PCCA: variants seen among roughly 807,000 people sequenced by gnomAD.
PCCA encodes propionyl-CoA carboxylase subunit alpha, also known as propionyl-CoA carboxylase alpha chain, mitochondrial.
PCCA carries 74 observed loss-of-function variants against 101.3 expected under a neutral mutation model. The observed-to-expected ratio is 0.73, with a 90% confidence interval of 0.61 to 0.89. PCCA has a LOEUF of 0.89. Ranked by LOEUF, PCCA falls within the 40% of genes least tolerant of loss-of-function variation. PCCA has a pLI of 0.00. For synonymous variants in PCCA, 294 were observed against 313.6 expected (o/e 0.94, Z 0.66); for missense variants, 891 against 907.0 (o/e 0.98, Z 0.23).
chr13:100,208,319 TC>T (rs1040993967), intron 6 of PCCA, among the ~76,000 whole-genome samples: 1 of 152,148 alleles, frequency 6.6e-6, no homozygotes, highest in Non-Finnish European at 1.5e-5. Flanking sequence ...GAACCTTTTT[TC>T]CCAAGTCAAG....
rs117561457 is a variant in PCCA at position 100,112,245 on chromosome 13, A to G, written c.300+184A>G. On this transcript the variant is annotated intron_variant, in intron 4 of 23. Transcript: ENST00000376285. ...AGTATCTTCTATATGTGCCGTAAGT[A>G]TTTTCTTTTCATAGCTTTAAAAACT... is the stretch of plus-strand genomic sequence containing the variant. 5.2e-3 allele frequency among the ~76,000 whole-genome samples: 785 copies of G among 152,272 alleles called. 16 individuals are homozygous for G. The highest frequency in any genetic ancestry group is 0.033 in the Admixed American group (512 of 15,288).
At chr13:100,324,646 A>G (rs918399118) in intron 16 of PCCA, among the ~76,000 whole-genome samples, 11 of 152,218 alleles carry the variant, frequency 7.2e-5, no homozygotes, top group Non-Finnish European at 1.3e-4. Flanking sequence ...CAAAGCAGAG[A>G]GAAATGTACA....
At chr13:100,444,225 G>A (rs1053869232) in intron 20 of PCCA, among the ~76,000 whole-genome samples, 4 of 147,606 alleles carry the variant, frequency 2.7e-5, no homozygotes, top group Non-Finnish European at 6.0e-5. Flanking sequence ...TTTTTGAGAC[G>A]GTGTCTCGCT....
intron 20 of PCCA, among the ~76,000 whole-genome samples, chr13:100,441,989 C>CTTTTT (rs776208311): frequency 8.6e-5 from 11 of 128,526 alleles, no homozygotes; most frequent in Non-Finnish European, 1.5e-4. Flanking sequence ...TTCCTTTTTT[C>CTTTTT]TTTTTTTTTT....
At chr13:100,488,552 C>T (rs942920815) in intron 21 of PCCA, among the ~76,000 whole-genome samples, 6 of 151,472 alleles carry the variant, frequency 4.0e-5, no homozygotes, top group African/African-American at 1.2e-4. Context: ...GCTGGAGGGT[C>T]GCATGAGCTC....
intron 12 of PCCA, among the ~76,000 whole-genome samples, chr13:100,288,265 G>A (rs545860461): frequency 1.3e-5 from 2 of 152,174 alleles, no homozygotes; most frequent in East Asian, 1.9e-4. Flanking sequence ...TACAACTGAT[G>A]AGCCGTTATC....
chr13:100,287,117 C>T (rs556970430), intron 12 of PCCA, among the ~76,000 whole-genome samples: 3 of 152,132 alleles, frequency 2.0e-5, no homozygotes, highest in South Asian at 2.1e-4. Context: ...TGTAATAATT[C>T]GAAGTGCTAT....
intron 20 of PCCA, among the ~76,000 whole-genome samples, chr13:100,431,026 C>G (rs931127666): frequency 6.6e-6 from 1 of 152,182 alleles, no homozygotes; most frequent in Non-Finnish European, 1.5e-5. Context: ...GCTTTCCCAT[C>G]TGGTAGTAAA....
intron 15 of PCCA, among the ~76,000 whole-genome samples, chr13:100,308,962 C>A (rs1207219733): frequency 6.6e-6 from 1 of 152,108 alleles, no homozygotes; most frequent in Non-Finnish European, 1.5e-5. Flanking sequence ...AATAGTAAGA[C>A]TTTTCTGTTT....
intron 17 of PCCA, among the ~76,000 whole-genome samples, chr13:100,335,000 T>C (rs1352767799): frequency 2.0e-5 from 3 of 152,094 alleles, no homozygotes; most frequent in Non-Finnish European, 4.4e-5. Flanking sequence ...TTAAATCTTC[T>C]AAAAGAAAAG....
At chr13:100,275,663 A>G (rs765423339) in intron 12 of PCCA, among the ~76,000 whole-genome samples, 1 of 151,810 alleles carries the variant, frequency 6.6e-6, no homozygotes, top group Non-Finnish European at 1.5e-5. Context: ...CTTCTTGTCC[A>G]ATCTCTGGCC....
intron 4 of PCCA, among the ~76,000 whole-genome samples, chr13:100,136,464 G>A (rs1017967980): frequency 3.9e-5 from 6 of 152,134 alleles, no homozygotes; most frequent in Admixed American, 3.3e-4. Flanking sequence ...GGGATTACAG[G>A]TGTGAGCCAC....
At chr13:100,472,168 G>A (rs2083070628) in intron 21 of PCCA, among the ~76,000 whole-genome samples, 1 of 152,134 alleles carries the variant, frequency 6.6e-6, no homozygotes, top group Admixed American at 6.5e-5. Context: ...GCAGACGTGG[G>A]CCCTTAGTCT....
intron 18 of PCCA, among the ~76,000 whole-genome samples, chr13:100,343,722 A>G (rs1438820602): frequency 3.9e-5 from 6 of 152,362 alleles, no homozygotes; most frequent in Middle Eastern, 3.4e-3. Context: ...GATCTTAGCC[A>G]AAAGGCCGAG....
At chr13:100,435,642 T>C (rs1237644096) in intron 20 of PCCA, among the ~76,000 whole-genome samples, 1 of 152,238 alleles carries the variant, frequency 6.6e-6, no homozygotes, top group Non-Finnish European at 1.5e-5. Flanking sequence ...AGGGTCATGA[T>C]TGCAAGTTAT....
At chr13:100,156,813 C>G (rs1481651466) in intron 5 of PCCA, among the ~76,000 whole-genome samples, 2 of 152,162 alleles carry the variant, frequency 1.3e-5, no homozygotes, top group African/African-American at 4.8e-5. Context: ...TGGAAATTAC[C>G]AGTTCGTGAG....
At chr13:100,432,766 C>T (rs2079645488) in intron 20 of PCCA, among the ~76,000 whole-genome samples, 1 of 152,140 alleles carries the variant, frequency 6.6e-6, no homozygotes, top group African/African-American at 2.4e-5. Flanking sequence ...AGGGTGCAAG[C>T]AGTGTAGAGA....
intron 19 of PCCA, among the ~76,000 whole-genome samples, chr13:100,403,055 G>T (rs975293779): frequency 2.0e-5 from 3 of 151,004 alleles, no homozygotes; most frequent in Non-Finnish European, 4.4e-5. Context: ...TTTGAACTGA[G>T]AAAACTTGTA....
At chr13:100,377,684 C>T (rs1342795889) in intron 19 of PCCA, among the ~76,000 whole-genome samples, 1 of 151,942 alleles carries the variant, frequency 6.6e-6, no homozygotes, top group South Asian at 2.1e-4. Context: ...TTAGTAGAGA[C>T]AGGGTTTCAC....
Sources: gnomAD v4.1 joint callset for allele counts (sites outside exome capture counted in the v4.1 genomes callset) on GRCh38, gnomAD v4.1.1 for gene constraint, MANE v1.5 for transcripts, NCBI Gene and HGNC (gene_info 2026-07-23, HGNC 2026-07-21) for gene names.